OPCML: variants seen among roughly 807,000 people sequenced by gnomAD.
OPCML encodes opioid-binding protein/cell adhesion molecule.
OPCML carries 13 observed loss-of-function variants against 37.8 expected under a neutral mutation model. The observed-to-expected ratio is 0.34, with a 90% confidence interval of 0.22 to 0.55. The LOEUF is 0.55. OPCML is among the 20% of genes least tolerant of loss of function. The probability of loss-of-function intolerance (pLI) is 0.91; values close to 1 mark genes in which losing one functional copy is unlikely to be tolerated. For missense variants in OPCML, 341 were observed against 435.6 expected (o/e 0.78, Z 1.93); for synonymous variants, 176 against 168.8 (o/e 1.04, Z -0.33).
At chr11:132,573,701 T>G (rs1565676496) in intron 3 of OPCML, among the ~76,000 whole-genome samples, 1 of 152,004 alleles carries the variant, frequency 6.6e-6, no homozygotes, top group Non-Finnish European at 1.5e-5. Context: ...TCTTTTCCTG[T>G]GGTGTTTATT....
chr11:132,614,780 T>C (rs1454288962), intron 3 of OPCML, among the ~76,000 whole-genome samples: 1 of 152,176 alleles, frequency 6.6e-6, no homozygotes, highest in African/African-American at 2.4e-5. Flanking sequence ...TTAAAAGAGG[T>C]TGTATCTAAG....
rs139811414 is a variant in OPCML at position 133,266,311 on chromosome 11, T to C, written c.61+265953A>G. 1.5e-3 allele frequency among the ~76,000 whole-genome samples: 225 copies of C among 152,244 alleles called. 5 individuals carry two copies. The highest frequency in any genetic ancestry group is 0.01 in the Middle Eastern group (3 of 294). On this transcript the variant is annotated intron_variant, in intron 1 of 7. Transcript: ENST00000524381. ...ACCCCATTCTCCTGCTCATTTTCAC[T>C]CCTTCAAACTTGCTGTCCCTGTAGC...
intron 2 of OPCML, among the ~76,000 whole-genome samples, chr11:132,757,004 T>C (rs1332584905): frequency 1.3e-5 from 2 of 152,092 alleles, no homozygotes; most frequent in Non-Finnish European, 2.9e-5. Flanking sequence ...TATGTGCCCA[T>C]ATGTTCTCAT....
chr11:133,423,561 G>C, intron 1 of OPCML: 1 of 855,104 alleles, frequency 1.2e-6, no homozygotes, highest in South Asian at 5.4e-5. Context: ...TAATTCCTTG[G>C]AAAAGCAGAT....
At position 132,951,213 on chromosome 11, in the gene OPCML, G is replaced by A. The variant is rs116392224; in HGVS notation, c.62-8203C>T. 7.7e-3 allele frequency among the ~76,000 whole-genome samples: 1,176 copies of A among 152,288 alleles called. 16 individuals are homozygous for A. Among genetic ancestry groups the A allele is most frequent in the African/African-American group, 0.027 (1,119 of 41,550 alleles). On this transcript the variant is annotated intron_variant, in intron 1 of 7. Transcript: ENST00000524381. Reference sequence around the variant, plus strand: ...ATCTGTAGAGTACTTGTGAGTGTATGTCTCAGTCAGCTCAGGCTGCCATAA... The same window carrying A: ...ATCTGTAGAGTACTTGTGAGTGTATATCTCAGTCAGCTCAGGCTGCCATAA...
rs558396787 is a variant in OPCML, at chr11:132,686,309, T to G, written c.147-28990A>C. On this transcript the variant is annotated intron_variant, in intron 2 of 7. Transcript: ENST00000524381. The stretch of plus-strand genomic sequence containing the variant: ...AGTGCCTTGCCTCGGAAAATGGAGT[T>G]TTAACAATAATCTTCTAGGCTTTCT... Among the ~76,000 whole-genome samples the G allele has an allele frequency of 5.1e-4, 77 of 152,222 alleles. No individual in the cohort carries two copies. In the South Asian group the frequency reaches 0.016, roughly 32 times the overall value.
chr11:132,937,598 GTGT>G (rs1565353447), intron 2 of OPCML, among the ~76,000 whole-genome samples: 33,908 of 87,552 alleles, frequency 0.39, 5,231 homozygotes, highest in East Asian at 0.64. Flanking sequence ...TGTGTGGGGT[GTGT>G]GTGTGTGTGT....
chr11:132,549,484 A>ACATT (rs2096376577), intron 3 of OPCML, among the ~76,000 whole-genome samples: 1 of 152,332 alleles, frequency 6.6e-6, no homozygotes, highest in Admixed American at 6.5e-5. Flanking sequence ...TTATTCCTTT[A>ACATT]CATTCGTAAT....
At chr11:133,446,214 C>T (rs1946471514) in intron 1 of OPCML, among the ~76,000 whole-genome samples, 1 of 152,176 alleles carries the variant, frequency 6.6e-6, no homozygotes. Flanking sequence ...AACTCCCAAT[C>T]TCCCTTTAGC....
chr11:132,627,544 C>T (rs748146663), intron 3 of OPCML, among the ~76,000 whole-genome samples: 2 of 150,866 alleles, frequency 1.3e-5, no homozygotes, highest in Non-Finnish European at 2.9e-5. Context: ...TGCTGAGATG[C>T]AGTTGTGTTC....
intron 3 of OPCML, among the ~76,000 whole-genome samples, chr11:132,598,204 C>A (rs1240697922): frequency 6.6e-6 from 1 of 152,174 alleles, no homozygotes; most frequent in East Asian, 1.9e-4. Flanking sequence ...TCTCTTCCAT[C>A]CCCGTATTAG....
At chr11:132,745,446 T>C (rs1465344986) in intron 2 of OPCML, among the ~76,000 whole-genome samples, 1 of 149,968 alleles carries the variant, frequency 6.7e-6, no homozygotes, top group Non-Finnish European at 1.5e-5. Context: ...CACTTGTCAG[T>C]TGATGTTTTG....
rs68143578 is a variant in OPCML at position 132,441,165 on chromosome 11, G to GTTTTTTTTTTTTTTTTT, written c.506-3823_506-3807dup. On this transcript the variant is annotated intron_variant, in intron 4 of 7. Coordinates refer to ENST00000524381, the MANE Select transcript of OPCML (RefSeq NM_001012393.5). ...AGATGTGTTCACCAAGGACTTTTTTGTTTTTTTTTTTTTTTTTTTTGAGAC... is the reference window on the plus strand; with the variant it reads ...AGATGTGTTCACCAAGGACTTTTTTGTTTTTTTTTTTTTTTTTTTTTTTTTTTTTTTTTTTTTGAGAC... Among the ~76,000 whole-genome samples the GTTTTTTTTTTTTTTTTT allele has an allele frequency of 1.9e-3, 140 of 72,384 alleles. 15 individuals carry two copies. Among genetic ancestry groups the GTTTTTTTTTTTTTTTTT allele is most frequent in the African/African-American group, 2.5e-3 (23 of 9,178 alleles). The allele number at this position is 72,384 out of a possible 152,430, so 47.5% of individuals were successfully genotyped here.
intron 2 of OPCML, among the ~76,000 whole-genome samples, chr11:132,865,593 A>G (rs899999285): frequency 2.0e-5 from 3 of 152,146 alleles, no homozygotes; most frequent in East Asian, 1.9e-4. Flanking sequence ...GTGGCTCAAC[A>G]TTGTTAAATG....
chr11:133,375,851 T>C (rs1944791072), intron 1 of OPCML, among the ~76,000 whole-genome samples: 1 of 152,220 alleles, frequency 6.6e-6, no homozygotes, highest in Non-Finnish European at 1.5e-5. Context: ...AATGAATATG[T>C]ATTAAATTGC....
Position 133,420,853 on chromosome 11 carries a change from C to T in OPCML, c.61+111411G>A, listed in dbSNP as rs1430191861. 4 of 985,238 alleles carry T rather than the reference C, an allele frequency of 4.1e-6. No individual in the cohort carries two copies. In the South Asian group the frequency reaches 1.4e-4, roughly 35 times the overall value. 61.0% of individuals were successfully genotyped at this position (985,238 alleles called of 1,614,324 possible). On this transcript the variant is annotated intron_variant, in intron 1 of 7. Transcript: ENST00000524381. The stretch of plus-strand genomic sequence containing the variant: ...ATTTCATGCCAAAATATTATTGGTC[C>T]TGGCAGTTACAAGTTCCATTTATAT...
At chr11:132,742,723 G>T (rs1158641810) in intron 2 of OPCML, among the ~76,000 whole-genome samples, 2 of 148,002 alleles carry the variant, frequency 1.4e-5, no homozygotes, top group African/African-American at 4.9e-5. Context: ...CCTAAAACTT[G>T]AAGTATAATA....
At chr11:133,433,345 A>G (rs1218060191) in intron 1 of OPCML, among the ~76,000 whole-genome samples, 2 of 151,704 alleles carry the variant, frequency 1.3e-5, no homozygotes, top group Non-Finnish European at 2.9e-5. Flanking sequence ...TTTGCGCATA[A>G]TTACACACAT....
intron 1 of OPCML, among the ~76,000 whole-genome samples, chr11:133,149,029 G>C (rs896564343): frequency 6.6e-6 from 1 of 152,104 alleles, no homozygotes; most frequent in South Asian, 2.1e-4. Flanking sequence ...ACTGCCAGCC[G>C]TTCTTCCCCT....
Sources: gnomAD v4.1 joint callset for allele counts (sites outside exome capture counted in the v4.1 genomes callset) on GRCh38, gnomAD v4.1.1 for gene constraint, MANE v1.5 for transcripts, NCBI Gene and HGNC (gene_info 2026-07-23, HGNC 2026-07-21) for gene names.